Variants in FHOD3 observed in about 807,000 individuals in gnomAD.
FHOD3 encodes FH1/FH2 domain-containing protein 3.
A neutral mutation model predicts 173.0 loss-of-function variants in FHOD3; 90 were observed. The observed-to-expected ratio is 0.52, with a 90% confidence interval of 0.44 to 0.62. The LOEUF is 0.62. Ranked by LOEUF, FHOD3 falls within the 20% of genes least tolerant of loss-of-function variation. The pLI is 0.00. For missense variants in FHOD3, 1,945 were observed against 2,034.7 expected (o/e 0.96, Z 0.85); for synonymous variants, 828 against 823.0 (o/e 1.01, Z -0.10).
intron 19 of FHOD3, among the ~76,000 whole-genome samples, chr18:36,721,225 C>T (rs1274152667): frequency 6.6e-6 from 1 of 152,138 alleles, no homozygotes; most frequent in African/African-American, 2.4e-5. Flanking sequence ...CAAACTGATT[C>T]CAGAATGTTC....
intron 3 of FHOD3, among the ~76,000 whole-genome samples, chr18:36,467,402 C>G (rs991591387): frequency 6.6e-6 from 1 of 152,112 alleles, no homozygotes. Context: ...GAGAGCGAAC[C>G]ATCCAGGCAT....
chr18:36,402,308 G>A (rs746166002), intron 3 of FHOD3, among the ~76,000 whole-genome samples: 13 of 152,134 alleles, frequency 8.5e-5, no homozygotes, highest in Non-Finnish European at 1.6e-4. Context: ...AGATTAATAC[G>A]CTGATGACAG....
intron 14 of FHOD3, among the ~76,000 whole-genome samples, chr18:36,675,340 T>G (rs685435): frequency 6.6e-6 from 1 of 151,668 alleles, no homozygotes; most frequent in Non-Finnish European, 1.5e-5. Flanking sequence ...TTCATACAGT[T>G]GGCATCTTTT....
At chr18:36,685,760 T>C (rs964402056) in intron 15 of FHOD3, among the ~76,000 whole-genome samples, 1 of 152,210 alleles carries the variant, frequency 6.6e-6, no homozygotes, top group Non-Finnish European at 1.5e-5. Flanking sequence ...AAAACCATGA[T>C]GTTAGGATTC....
intron 21 of FHOD3, among the ~76,000 whole-genome samples, chr18:36,741,997 CTT>C (rs977757742): frequency 6.6e-6 from 1 of 152,060 alleles, no homozygotes; most frequent in Non-Finnish European, 1.5e-5. Context: ...GCTCAGGTGA[CTT>C]TTTTTAGCCA....
intron 10 of FHOD3, among the ~76,000 whole-genome samples, chr18:36,629,651 G>C (rs956324452): frequency 6.6e-6 from 1 of 152,210 alleles, no homozygotes; most frequent in Non-Finnish European, 1.5e-5. Flanking sequence ...ATTCCATGAA[G>C]AGATAGAGAC....
chr18:36,425,891 ATT>A (rs968256112), intron 3 of FHOD3, among the ~76,000 whole-genome samples: 4 of 148,676 alleles, frequency 2.7e-5, no homozygotes, highest in African/African-American at 9.9e-5. Flanking sequence ...TTCACACACT[ATT>A]TCTTTCTTTC....
intron 17 of FHOD3, among the ~76,000 whole-genome samples, chr18:36,693,651 G>C (rs867583835): frequency 2.6e-5 from 4 of 152,110 alleles, no homozygotes; most frequent in Non-Finnish European, 4.4e-5. Flanking sequence ...GTCAATGTAT[G>C]GCCATGGAAA....
Position 36,576,488 on chromosome 18 carries a change from T to C in FHOD3, c.549T>C (p.Asn183=), listed in dbSNP as rs1227187328. 1 of 1,613,986 alleles carries C rather than the reference T, an allele frequency of 6.2e-7. No homozygotes were observed. Residue 183 remains asparagine (N), a synonymous_variant, in exon 6 of 29, where the codon AAT becomes AAC. Coordinates refer to ENST00000590592, the MANE Select transcript of FHOD3 (RefSeq NM_001281740.3). ...TTATGTTGTATGTGGATGGAATGAATGGAGTAATAAACCGCAATGAAACCA... is the reference window on the plus strand; with the variant it reads ...TTATGTTGTATGTGGATGGAATGAACGGAGTAATAAACCGCAATGAAACCA... The part of the protein sequence containing the change: ...GQIMLYVDGM[N]GVINRNETIQ...
chr18:36,345,572 GGGACTACA>G (rs2145570918), intron 1 of FHOD3, among the ~76,000 whole-genome samples: 2 of 152,238 alleles, frequency 1.3e-5, no homozygotes, highest in Admixed American at 1.3e-4. Flanking sequence ...CTGAGTAGCT[GGGACTACA>G]GGTGTGCACC....
intron 1 of FHOD3, among the ~76,000 whole-genome samples, chr18:36,343,332 G>T (rs1478299559): frequency 6.6e-6 from 1 of 152,112 alleles, no homozygotes. Context: ...TCAATAAAGG[G>T]AATGAAATAC....
intron 10 of FHOD3, among the ~76,000 whole-genome samples, chr18:36,641,517 CTT>C (rs752054254): frequency 3.9e-5 from 6 of 152,148 alleles, no homozygotes; most frequent in Non-Finnish European, 5.9e-5. Flanking sequence ...ATGGCAGAGT[CTT>C]TTTGGGTAGC....
chr18:36,612,791 G>C (rs142414117), intron 9 of FHOD3, among the ~76,000 whole-genome samples: 276 of 152,254 alleles, frequency 1.8e-3, no homozygotes, highest in African/African-American at 6.5e-3. Context: ...ATATTTTGTA[G>C]CTCCCATATG....
intron 4 of FHOD3, among the ~76,000 whole-genome samples, chr18:36,511,238 A>C (rs1386600949): frequency 6.6e-6 from 1 of 152,152 alleles, no homozygotes; most frequent in African/African-American, 2.4e-5. Flanking sequence ...GGCACTGTCC[A>C]ATTGAGGAAA....
chr18:36,551,065 T>G (rs1214028930), intron 5 of FHOD3, among the ~76,000 whole-genome samples: 1 of 152,228 alleles, frequency 6.6e-6, no homozygotes, highest in African/African-American at 2.4e-5. Context: ...TGAGATGTCC[T>G]TTATCAAGTT....
intron 3 of FHOD3, among the ~76,000 whole-genome samples, chr18:36,449,576 AT>A (rs1284762427): frequency 6.6e-6 from 1 of 152,218 alleles, no homozygotes; most frequent in Non-Finnish European, 1.5e-5. Flanking sequence ...TCCCCAGCTT[AT>A]TCCACAGAGT....
chr18:36,742,886 C>A, intron 22 of FHOD3, 30 bp downstream of exon 22: 1 of 1,592,534 alleles, frequency 6.3e-7, no homozygotes, highest in South Asian at 1.2e-5. Context: ...CATCCTGTAG[C>A]CCCCCCTTGT....
At chr18:36,479,587 G>A (rs1442254163) in intron 3 of FHOD3, among the ~76,000 whole-genome samples, 1 of 95,018 alleles carries the variant, frequency 1.1e-5, no homozygotes, top group Non-Finnish European at 1.9e-5. Flanking sequence ...TTAGGAATGT[G>A]TACTATAAAG....
chr18:36,748,406 C>A (rs911103754), intron 24 of FHOD3, among the ~76,000 whole-genome samples: 1 of 149,550 alleles, frequency 6.7e-6, no homozygotes, highest in African/African-American at 2.5e-5. Flanking sequence ...CACACACACA[C>A]ACACACACAC....
Sources: gnomAD v4.1 joint callset for allele counts (sites outside exome capture counted in the v4.1 genomes callset) on GRCh38, gnomAD v4.1.1 for gene constraint, MANE v1.5 for transcripts, NCBI Gene and HGNC (gene_info 2026-07-23, HGNC 2026-07-21) for gene names.